SPTBN1: variants seen among roughly 807,000 people sequenced by gnomAD.
The protein encoded by SPTBN1 is spectrin beta, non-erythrocytic 1.
Under a neutral mutation model 266.4 loss-of-function variants are expected in SPTBN1, and 32 were observed. The observed-to-expected ratio is 0.12, with a 90% CI of 0.09 to 0.16. The LOEUF is 0.16. Ranked by LOEUF, SPTBN1 falls within the 10% of genes least tolerant of loss-of-function variation. SPTBN1 has a pLI of 1.00. For synonymous variants in SPTBN1, 1,336 were observed against 1,162.2 expected (o/e 1.15, Z -3.04); for missense variants, 2,296 against 3,067.1 (o/e 0.75, Z 5.94).
Position 54,664,637 on chromosome 2 carries a change from G to A in SPTBN1, c.6605G>A (p.Gly2202Asp), listed in dbSNP as rs768929161. 3 of 1,614,190 alleles carry A rather than the reference G, an allele frequency of 1.9e-6. No homozygotes were observed. Among genetic ancestry groups the A allele is most frequent in the Non-Finnish European group, 2.5e-6 (3 of 1,180,040 alleles). ...TQETPSAQME[G>D]FLNRKHEWEA... The stretch of plus-strand genomic sequence containing the variant: ...GAGACACCTTCGGCCCAGATGGAAG[G>A]CTTCCTCAATCGGAAACACGAGTGG... The change falls in exon 33 of 36, where the codon GGC becomes GAC. Residue 2202 changes from glycine (G) to aspartate (D), a missense_variant. Around this residue, in one of 12 missense-constraint regions of SPTBN1, gnomAD observed 347 missense variants for 368.5 expected, o/e 0.94. Transcript: ENST00000356805. This position sits in a 1 kb window ranked among gnomAD's most constrained non-coding sequence, Gnocchi z 5.6.
At chr2:54,557,638 C>A (rs954510956) in intron 2 of SPTBN1, 1 of 848,322 alleles carries the variant, frequency 1.2e-6, no homozygotes, top group African/African-American at 1.8e-5. Flanking sequence ...TCATAAACAA[C>A]TCCAGGTCAG....
At chr2:54,484,329 C>T (rs1028899723) in intron 1 of SPTBN1, among the ~76,000 whole-genome samples, 1 of 152,218 alleles carries the variant, frequency 6.6e-6, no homozygotes, top group African/African-American at 2.4e-5. Context: ...TCATTCACTT[C>T]AGTCCTGCTC....
At chr2:54,483,345 T>C (rs529378201) in intron 1 of SPTBN1, among the ~76,000 whole-genome samples, 2 of 152,286 alleles carry the variant, frequency 1.3e-5, no homozygotes, top group East Asian at 3.9e-4. Context: ...TGTTCAGACA[T>C]AGCACATAAG....
Position 54,605,075 on chromosome 2 carries a change from C to G in SPTBN1, c.300+5832C>G, listed in dbSNP as rs776598794. On this transcript the variant is annotated intron_variant, in intron 3 of 35. Coordinates refer to ENST00000356805, the MANE Select transcript of SPTBN1 (RefSeq NM_003128.3). Reference sequence around the variant, plus strand: ...GAGGCAAGACAGAGGACGCTTCTTTCCTTTGCAGAATTAGCTGCTCTTGGG... The same window carrying G: ...GAGGCAAGACAGAGGACGCTTCTTTGCTTTGCAGAATTAGCTGCTCTTGGG... Among the ~76,000 whole-genome samples the G allele has an allele frequency of 9.9e-5, 15 of 152,192 alleles. No individual in the cohort carries two copies. In the South Asian group the frequency reaches 2.7e-3, roughly 27 times the overall value.
At chr2:54,482,136 C>G (rs1421346235) in intron 1 of SPTBN1, among the ~76,000 whole-genome samples, 4 of 152,082 alleles carry the variant, frequency 2.6e-5, no homozygotes, top group Non-Finnish European at 2.9e-5. Context: ...TAGGGATTGA[C>G]TATTAATGGT....
intron 2 of SPTBN1, among the ~76,000 whole-genome samples, chr2:54,542,329 C>T (rs939926552): frequency 6.6e-6 from 1 of 152,242 alleles, no homozygotes; most frequent in Non-Finnish European, 1.5e-5. Context: ...ATGAGAAGAG[C>T]TGCAGAAGGA....
At chr2:54,465,464 C>T (rs1408962052) in intron 1 of SPTBN1, among the ~76,000 whole-genome samples, 1 of 152,112 alleles carries the variant, frequency 6.6e-6, no homozygotes, top group East Asian at 1.9e-4. Context: ...ATAAAAATCA[C>T]TTCAGATTTA....
intron 18 of SPTBN1, 85 bp downstream of exon 18, chr2:54,637,888 A>G: frequency 7.7e-6 from 9 of 1,174,766 alleles, no homozygotes; most frequent in Non-Finnish European, 1.1e-5. Context: ...CTTTTGAATT[A>G]TAAAATTAAT....
intron 4 of SPTBN1, among the ~76,000 whole-genome samples, chr2:54,613,129 T>C (rs1414431064): frequency 3.3e-5 from 5 of 152,210 alleles, no homozygotes; most frequent in African/African-American, 9.7e-5. Flanking sequence ...AGCCTGATTA[T>C]TGGTTCTTTC....
chr2:54,500,958 T>C (rs916705454), intron 1 of SPTBN1, among the ~76,000 whole-genome samples: 2 of 152,214 alleles, frequency 1.3e-5, no homozygotes, highest in African/African-American at 4.8e-5. Context: ...CAGTCCTCTC[T>C]TTATAGACGA....
At chr2:54,640,754 G>T (rs752502138) in intron 18 of SPTBN1, among the ~76,000 whole-genome samples, 2 of 152,210 alleles carry the variant, frequency 1.3e-5, no homozygotes, top group African/African-American at 4.8e-5. Flanking sequence ...GTTTCACCCT[G>T]TTGGACAGGC....
In SPTBN1 at chr2:54,533,877, T is replaced by C. The variant is rs570164405; in HGVS notation, c.148+7311T>C. ...GCTGTAGTAATTTAGGGGGAAAGAT[T>C]GATCTCTCTCTCTGTCTCTCTCTCA... On this transcript the variant is annotated intron_variant, in intron 2 of 35. Coordinates refer to ENST00000356805, the MANE Select transcript of SPTBN1 (RefSeq NM_003128.3). This position sits in a 1 kb window ranked among gnomAD's most constrained non-coding sequence, Gnocchi z 4.2. 2.2e-4 allele frequency among the ~76,000 whole-genome samples: 33 copies of C among 148,968 alleles called. No individual in the cohort carries two copies. The highest frequency in any genetic ancestry group is 8.3e-4 in the African/African-American group (33 of 39,986).
chr2:54,593,893 G>A (rs1246791147), intron 2 of SPTBN1, among the ~76,000 whole-genome samples: 1 of 140,306 alleles, frequency 7.1e-6, no homozygotes, highest in Non-Finnish European at 1.5e-5. Context: ...GAGTGCGGTG[G>A]CATGATCTTG....
chr2:54,616,887 A>G (rs1339441137), intron 5 of SPTBN1, among the ~76,000 whole-genome samples: 1 of 152,198 alleles, frequency 6.6e-6, no homozygotes, highest in Non-Finnish European at 1.5e-5. Flanking sequence ...TTACTGTCAG[A>G]ACTACTTTAG....
chr2:54,571,309 C>G (rs914908374), intron 2 of SPTBN1, among the ~76,000 whole-genome samples: 2 of 152,146 alleles, frequency 1.3e-5, no homozygotes, highest in African/African-American at 4.8e-5. Context: ...AGTGACTTCA[C>G]TGAGCCTCAT....
intron 6 of SPTBN1, 100 bp downstream of exon 6, chr2:54,617,788 C>G (rs998143696): frequency 1.1e-5 from 13 of 1,179,722 alleles, no homozygotes; most frequent in Non-Finnish European, 1.6e-5. Context: ...GCTTAACTGT[C>G]TCACCGTGGT....
intron 1 of SPTBN1, among the ~76,000 whole-genome samples, chr2:54,505,220 T>C (rs192679121): frequency 2.4e-3 from 369 of 152,290 alleles, no homozygotes; most frequent in African/African-American, 8.5e-3. Flanking sequence ...TACTTGGTGG[T>C]TAAACAAATT....
intron 2 of SPTBN1, among the ~76,000 whole-genome samples, chr2:54,549,289 C>CAAA (rs35199228): frequency 1.1e-3 from 117 of 108,758 alleles, no homozygotes; most frequent in Middle Eastern, 4.5e-3. Flanking sequence ...AACTCTGTCT[C>CAAA]AAAAAAAAAA....
chr2:54,591,398 G>A (rs1303467579), intron 2 of SPTBN1, among the ~76,000 whole-genome samples: 1 of 152,184 alleles, frequency 6.6e-6, no homozygotes, highest in Non-Finnish European at 1.5e-5. Context: ...CTATATGTCT[G>A]TGCAAAGCAA....
Sources: gnomAD v4.1 joint callset for allele counts (sites outside exome capture counted in the v4.1 genomes callset) on GRCh38, gnomAD v4.1.1 for gene constraint, gnomAD v4.1.1 regional missense constraint, Gnocchi (gnomAD v3.1) non-coding constraint, MANE v1.5 for transcripts, NCBI Gene and HGNC (gene_info 2026-07-23, HGNC 2026-07-21) for gene names.